PUDP: variants seen among roughly 807,000 people sequenced by gnomAD.
The protein encoded by PUDP is pseudouridine 5'-phosphatase, also known as pseudouridine-5'-phosphatase.
Under a neutral mutation model 9.4 loss-of-function variants are expected in PUDP, and 8 were observed. The observed-to-expected ratio is 0.85, with a 90% CI of 0.50 to 1.53. The LOEUF is 1.53. Among genes scored for constraint, PUDP ranks in the 40% most tolerant of loss-of-function variants. PUDP has a pLI of 0.00. For missense variants in PUDP, 188 were observed against 189.7 expected (o/e 0.99, Z 0.05); for synonymous variants, 99 against 80.7 (o/e 1.23, Z -1.22).
intron 1 of PUDP, among the ~76,000 whole-genome samples, chrX:7,117,355 G>A (rs1449179874): frequency 8.9e-6 from 1 of 112,414 alleles, no homozygotes; most frequent in Non-Finnish European, 1.9e-5. Flanking sequence ...ACATGGAAAT[G>A]AGAAACTGAG....
intron 1 of PUDP, among the ~76,000 whole-genome samples, chrX:7,115,957 C>A (rs1932183826): frequency 8.9e-6 from 1 of 112,425 alleles, no homozygotes; most frequent in Admixed American, 9.4e-5. Context: ...TGCGGGAAGA[C>A]AAGAGAAGCC....
At position 6,916,681 on chromosome X, in the gene PUDP, G is replaced by A. The variant is rs144271457; in HGVS notation, c.*247+60452C>T. Among the ~76,000 whole-genome samples the A allele has an allele frequency of 1.9e-3, 212 of 111,759 alleles. 1 individual carries two copies. Among genetic ancestry groups the A allele is most frequent in the African/African-American group, 6.2e-3 (192 of 30,811 alleles). ...AGGTGGCAGAGCAGGAAGATAAGGT[G>A]AAGCTTGTGTTGTTGATGCCATTCT... On this transcript the variant is annotated intron_variant and NMD_transcript_variant, in intron 3 of 3. Coordinates refer to the PUDP transcript ENST00000655425.
Position 6,831,020 on chromosome X carries a change from T to C in PUDP, c.*248-124554A>G, listed in dbSNP as rs778385232. Among the ~76,000 whole-genome samples, 289 of 111,436 alleles carry C rather than the reference T, an allele frequency of 2.6e-3. 1 individual carries two copies. Among genetic ancestry groups the C allele is most frequent in the Non-Finnish European group, 4.0e-3 (210 of 53,059 alleles). Reference sequence around the variant, plus strand: ...GGAATCAAGGCTTTTATGGGTAATTTGGTGGGTAGGGGGTTGGAAAGTGGG... The same window carrying C: ...GGAATCAAGGCTTTTATGGGTAATTCGGTGGGTAGGGGGTTGGAAAGTGGG... On this transcript the variant is annotated intron_variant and NMD_transcript_variant, in intron 3 of 3. Transcript: ENST00000655425.
chrX:6,810,708 C>T (rs1385292041), intron 3 of PUDP, among the ~76,000 whole-genome samples: 2 of 111,422 alleles, frequency 1.8e-5, no homozygotes, highest in Admixed American at 1.9e-4. Flanking sequence ...AATTACTGCC[C>T]TCTGAGGGGA....
At chrX:7,076,641 G>T (rs1376195063) in intron 3 of PUDP, among the ~76,000 whole-genome samples, 1 of 111,910 alleles carries the variant, frequency 8.9e-6, no homozygotes, top group Non-Finnish European at 1.9e-5. Context: ...ACCCTGCATG[G>T]TCAAGCAGCC....
intron 1 of PUDP, among the ~76,000 whole-genome samples, chrX:6,710,889 C>A (rs183076039): frequency 8.9e-6 from 1 of 111,919 alleles, no homozygotes; most frequent in Admixed American, 9.5e-5. Flanking sequence ...TTGTGACACA[C>A]CCAAAGCCTC....
chrX:6,999,745 G>T (rs1334943133), intron 1 of PUDP, among the ~76,000 whole-genome samples: 1 of 108,514 alleles, frequency 9.2e-6, no homozygotes, highest in African/African-American at 3.4e-5. Context: ...GAGCTTACTT[G>T]TGTAACCAAA....
In PUDP at chrX:6,921,149, C is replaced by T. The variant is rs769215861; in HGVS notation, c.*247+55984G>A. Among the ~76,000 whole-genome samples, 6 of 110,722 alleles carry T rather than the reference C, an allele frequency of 5.4e-5. No homozygotes were observed. The East Asian group carries it at 8.6e-4, about 16-fold the overall frequency. On this transcript the variant is annotated intron_variant and NMD_transcript_variant, in intron 3 of 3. Transcript: ENST00000655425. Reference sequence around the variant, plus strand: ...CCTGTAATCTCAGCACTTTGGGAGGCGAGGTGGGAGGATCACTTGAGCTCA... The same window carrying T: ...CCTGTAATCTCAGCACTTTGGGAGGTGAGGTGGGAGGATCACTTGAGCTCA...
At chrX:6,784,549 C>T (rs999346939) in intron 3 of PUDP, among the ~76,000 whole-genome samples, 5 of 111,565 alleles carry the variant, frequency 4.5e-5, no homozygotes, top group African/African-American at 1.6e-4. Context: ...AATCTTTACC[C>T]AAGGTGCAGG....
chrX:6,912,706 G>C (rs1410273776), intron 3 of PUDP, among the ~76,000 whole-genome samples: 1 of 111,994 alleles, frequency 8.9e-6, no homozygotes, highest in African/African-American at 3.2e-5. Context: ...ATCTAAGGAA[G>C]AGCCTAAAGG....
chrX:6,821,225 G>A (rs1926337143), intron 3 of PUDP, among the ~76,000 whole-genome samples: 1 of 111,448 alleles, frequency 9.0e-6, no homozygotes, highest in Non-Finnish European at 1.9e-5. Flanking sequence ...CTCCACACGA[G>A]GTGTAAGTCT....
chrX:6,819,936 A>G (rs1926311446), intron 3 of PUDP, among the ~76,000 whole-genome samples: 1 of 110,897 alleles, frequency 9.0e-6, no homozygotes, highest in African/African-American at 3.3e-5. Flanking sequence ...AGATAATAAC[A>G]TAACAGATAT....
intron 3 of PUDP, among the ~76,000 whole-genome samples, chrX:7,059,226 A>G (rs765177974): frequency 9.0e-6 from 1 of 111,450 alleles, no homozygotes; most frequent in African/African-American, 3.3e-5. Context: ...GGGCACTCTT[A>G]GCATGCATAT....
chrX:7,127,602 A>G (rs748412410), intron 1 of PUDP, among the ~76,000 whole-genome samples: 48 of 112,626 alleles, frequency 4.3e-4, no homozygotes, highest in African/African-American at 1.5e-3. Flanking sequence ...TAATGAACAG[A>G]CATCTCTCAA....
chrX:6,722,853 C>T (rs1924689809), upstream of PUDP, among the ~76,000 whole-genome samples: 1 of 111,586 alleles, frequency 9.0e-6, no homozygotes, highest in African/African-American at 3.3e-5. Flanking sequence ...AGAAAGTATG[C>T]CTTTAAACAA....
intron 1 of PUDP, among the ~76,000 whole-genome samples, chrX:7,015,784 C>G (rs1294777762): frequency 9.1e-6 from 1 of 109,360 alleles, no homozygotes; most frequent in African/African-American, 3.3e-5. Context: ...GCAATGTTAC[C>G]CAGGCTGGTC....
In PUDP at chrX:6,792,494, C is replaced by T. The variant is rs750011899; in HGVS notation, c.*248-86028G>A. Among the ~76,000 whole-genome samples the T allele has an allele frequency of 2.7e-5, 3 of 109,637 alleles. No individual in the cohort carries two copies. In the South Asian group the frequency reaches 1.2e-3, roughly 44 times the overall value. On this transcript the variant is annotated intron_variant and NMD_transcript_variant, in intron 3 of 3. Transcript: ENST00000655425. ...GCCATAAAACCTAGTTGACCTTCCT[C>T]TGAAAAGAGGTCATGACTCATTCCA...
intron 2 of PUDP, among the ~76,000 whole-genome samples, chrX:7,098,235 A>G (rs576489890): frequency 8.9e-6 from 1 of 112,467 alleles, no homozygotes; most frequent in Middle Eastern, 4.6e-3. Flanking sequence ...AAGAACAGAA[A>G]TGTATTTCTC....
intron 3 of PUDP, among the ~76,000 whole-genome samples, chrX:6,921,952 T>G (rs892808379): frequency 3.6e-5 from 4 of 111,753 alleles, no homozygotes; most frequent in African/African-American, 1.3e-4. Flanking sequence ...ACTCCATGTT[T>G]GAAGTGGCTC....
Sources: gnomAD v4.1 joint callset for allele counts (sites outside exome capture counted in the v4.1 genomes callset) on GRCh38, gnomAD v4.1.1 for gene constraint, MANE v1.5 for transcripts, NCBI Gene and HGNC (gene_info 2026-07-23, HGNC 2026-07-21) for gene names.